Variants in MTUS2 observed in about 807,000 individuals in gnomAD.
MTUS2 encodes microtubule-associated tumor suppressor candidate 2.
Under a neutral mutation model 114.1 loss-of-function variants are expected in MTUS2, and 40 were observed. The ratio of observed to expected loss-of-function variants is 0.35; its 90% CI spans 0.27 to 0.46. The LOEUF (loss-of-function observed/expected upper bound fraction) is 0.46, where lower values mean the gene tolerates loss of function less well. Ranked by LOEUF, MTUS2 falls within the 20% of genes least tolerant of loss-of-function variation. The pLI, the probability that MTUS2 is intolerant of heterozygous loss-of-function variation, is 1.00. For missense variants in MTUS2, 1,679 were observed against 1,705.4 expected (o/e 0.98, Z 0.27); for synonymous variants, 688 against 672.0 (o/e 1.02, Z -0.37).
At chr13:29,290,469 A>G (rs950115686) in intron 6 of MTUS2, among the ~76,000 whole-genome samples, 6 of 152,234 alleles carry the variant, frequency 3.9e-5, no homozygotes, top group African/African-American at 9.6e-5. Context: ...AGCTGGGACT[A>G]CAGGCGCCTG....
intron 2 of MTUS2, among the ~76,000 whole-genome samples, chr13:28,996,310 T>A (rs1359768402): frequency 6.6e-6 from 1 of 152,210 alleles, no homozygotes; most frequent in South Asian, 2.1e-4. Flanking sequence ...CAGTGTTTTA[T>A]TGGGGATTTT....
At chr13:29,057,130 C>T (rs558671231) in intron 4 of MTUS2, among the ~76,000 whole-genome samples, 4 of 151,850 alleles carry the variant, frequency 2.6e-5, no homozygotes, top group African/African-American at 7.2e-5. Context: ...TTAGTATTGA[C>T]TTCTGTTTTT....
At chr13:29,466,670 A>G (rs1426713798) in intron 9 of MTUS2, among the ~76,000 whole-genome samples, 2 of 152,142 alleles carry the variant, frequency 1.3e-5, no homozygotes, top group Non-Finnish European at 2.9e-5. Flanking sequence ...TGAGCTCAGG[A>G]GTTCGAGACC....
At chr13:29,120,326 T>C (rs191643919) in intron 5 of MTUS2, among the ~76,000 whole-genome samples, 4 of 152,196 alleles carry the variant, frequency 2.6e-5, no homozygotes, top group Admixed American at 1.3e-4. Flanking sequence ...CAAACAGATA[T>C]ATTTAAAATA....
In MTUS2 at chr13:29,469,346, C is replaced by T. The variant is rs145408103; in HGVS notation, c.3185-10804C>T. Among the ~76,000 whole-genome samples, 250 of 152,166 alleles carry T rather than the reference C, an allele frequency of 1.6e-3. 1 individual carries two copies. The highest frequency in any genetic ancestry group is 5.7e-3 in the African/African-American group (236 of 41,520). On this transcript the variant is annotated intron_variant, in intron 9 of 15. Transcript: ENST00000612955. ...ACAGTAAATTCTTTAAGAAAGAAGG[C>T]GGCCAGGCGTGGTGGCTCACGCCTG...
chr13:29,170,745 A>G (rs1199320863), intron 5 of MTUS2, among the ~76,000 whole-genome samples: 2 of 152,206 alleles, frequency 1.3e-5, no homozygotes, highest in South Asian at 2.1e-4. Flanking sequence ...GCTTGGAGAA[A>G]TGCTACCAAC....
intron 2 of MTUS2, among the ~76,000 whole-genome samples, chr13:28,990,751 A>AAC (rs1390224124): frequency 6.6e-6 from 1 of 152,208 alleles, no homozygotes; most frequent in African/African-American, 2.4e-5. Context: ...GCGGCAACCC[A>AAC]CTTGGGTCCC....
chr13:28,866,276 G>T (rs981804690), intron 2 of MTUS2, among the ~76,000 whole-genome samples: 2 of 152,112 alleles, frequency 1.3e-5, no homozygotes, highest in African/African-American at 4.8e-5. Context: ...AATGTCAGTT[G>T]AACCATGGAT....
intron 8 of MTUS2, among the ~76,000 whole-genome samples, chr13:29,390,904 T>C (rs1392579759): frequency 2.0e-5 from 3 of 151,442 alleles, no homozygotes; most frequent in African/African-American, 4.9e-5. Context: ...TGCCTCAGCC[T>C]CTGGAATAGC....
intron 5 of MTUS2, among the ~76,000 whole-genome samples, chr13:29,221,155 A>G (rs1212808987): frequency 6.6e-6 from 1 of 152,248 alleles, no homozygotes; most frequent in Non-Finnish European, 1.5e-5. Flanking sequence ...TAGAACAGCT[A>G]TGAAACATCC....
At chr13:28,872,470 C>T (rs899682078) in intron 2 of MTUS2, among the ~76,000 whole-genome samples, 6 of 152,132 alleles carry the variant, frequency 3.9e-5, no homozygotes, top group Admixed American at 1.3e-4. Context: ...ATACCTAAAG[C>T]TAGGTAACTT....
rs373468760 is a variant in MTUS2, at chr13:29,503,234, G to A, written c.*28G>A. ...CCACTACACGGCCTGCGGGAGCTCC[G>A]GCTTCTCGTCCTCCGGTCTCCACCC... On this transcript the variant is annotated 3_prime_UTR_variant, in exon 16 of 16. Transcript: ENST00000612955. The A allele has an allele frequency of 6.2e-6, 10 of 1,609,846 alleles. No individual in the cohort carries two copies. Among genetic ancestry groups the A allele is most frequent in the East Asian group, 2.2e-5 (1 of 44,844 alleles).
At chr13:29,217,753 C>T (rs1018174934) in intron 5 of MTUS2, among the ~76,000 whole-genome samples, 2 of 152,202 alleles carry the variant, frequency 1.3e-5, no homozygotes, top group Non-Finnish European at 2.9e-5. Context: ...TGGAGTCAGT[C>T]TTCTCAAACT....
At chr13:29,063,780 G>T (rs1888529491) in intron 4 of MTUS2, among the ~76,000 whole-genome samples, 1 of 152,188 alleles carries the variant, frequency 6.6e-6, no homozygotes, top group African/African-American at 2.4e-5. Context: ...TCTGGTATAA[G>T]AATTCTGAAA....
chr13:28,892,668 C>T (rs1879002894), intron 2 of MTUS2, among the ~76,000 whole-genome samples: 1 of 152,134 alleles, frequency 6.6e-6, no homozygotes, highest in Non-Finnish European at 1.5e-5. Context: ...CTTCTTGACA[C>T]TTCTCTTTCT....
intron 5 of MTUS2, among the ~76,000 whole-genome samples, chr13:29,234,947 GTTCT>G (rs1167555204): frequency 3.3e-5 from 5 of 151,910 alleles, no homozygotes; most frequent in African/African-American, 4.8e-5. Flanking sequence ...GATTTTTAAT[GTTCT>G]TTCTTAAACT....
intron 2 of MTUS2, among the ~76,000 whole-genome samples, chr13:29,003,270 A>G (rs900121126): frequency 1.4e-5 from 2 of 147,032 alleles, no homozygotes; most frequent in Non-Finnish European, 1.5e-5. Context: ...AAGTACTATC[A>G]TTGTTCCCAT....
intron 8 of MTUS2, among the ~76,000 whole-genome samples, chr13:29,394,120 A>G (rs1246128575): frequency 6.6e-6 from 1 of 152,190 alleles, no homozygotes; most frequent in African/African-American, 2.4e-5. Flanking sequence ...AGTGTCAAAG[A>G]AAAAAGTCAA....
At chr13:29,478,813 G>A (rs1241489296) in intron 9 of MTUS2, among the ~76,000 whole-genome samples, 2 of 152,128 alleles carry the variant, frequency 1.3e-5, no homozygotes, top group African/African-American at 4.8e-5. Flanking sequence ...CCCTCGGGTA[G>A]GATAGGAAGA....
Sources: allele counts gnomAD v4.1 joint callset (sites outside exome capture counted in the v4.1 genomes callset), GRCh38; gene constraint gnomAD v4.1.1; transcripts MANE v1.5; gene names NCBI Gene and HGNC (gene_info 2026-07-23, HGNC 2026-07-21).